Variants in MSANTD2 observed in about 807,000 individuals in gnomAD.
MSANTD2 encodes the protein Myb/SANT DNA binding domain containing 2, also known as myb/SANT-like DNA-binding domain-containing protein 2.
MSANTD2 carries 19 observed loss-of-function variants against 52.6 expected under a neutral mutation model. The observed-to-expected ratio is 0.36, with a 90% CI of 0.25 to 0.53. The LOEUF (loss-of-function observed/expected upper bound fraction) is 0.53. MSANTD2 is among the 20% of genes least tolerant of loss of function. The probability of loss-of-function intolerance (pLI) is 0.91; values close to 1 mark genes in which losing one functional copy is unlikely to be tolerated. For synonymous variants in MSANTD2, 291 were observed against 289.7 expected (o/e 1.00, Z -0.04); for missense variants, 558 against 716.3 (o/e 0.78, Z 2.52).
chr11:124,791,442 G>A (rs184192573), intron 1 of MSANTD2: 9 of 1,270,296 alleles, frequency 7.1e-6, no homozygotes, highest in African/African-American at 2.9e-5. Flanking sequence ...ACAGACTTCC[G>A]GACCCCTCCC....
Position 124,766,536 on chromosome 11 carries a change from G to T in MSANTD2, c.*640C>A, listed in dbSNP as rs766431070. The stretch of plus-strand genomic sequence containing the variant: ...TTTAATTTTTTTTTTTTAAAAAAAG[G>T]TTTAAATGGCAACACAACTGTAAAG... On this transcript the variant is annotated 3_prime_UTR_variant, in exon 4 of 4. Transcript: ENST00000374979. The T allele has an allele frequency of 6.6e-6, 1 of 151,948 alleles. No individual in the cohort carries two copies. The highest frequency in any genetic ancestry group is 1.5e-5 in the Non-Finnish European group (1 of 67,998). 9.4% of individuals were successfully genotyped at this position (151,948 alleles called of 1,614,324 possible).
At chr11:124,769,549 T>C (rs1445090353) in intron 3 of MSANTD2, among the ~76,000 whole-genome samples, 1 of 152,198 alleles carries the variant, frequency 6.6e-6, no homozygotes, top group Non-Finnish European at 1.5e-5. Flanking sequence ...CTGCCCTCCT[T>C]TGAAATGTTT....
At position 124,774,263 on chromosome 11, in the gene MSANTD2, A is replaced by T. The variant is rs1466949737; in HGVS notation, c.766+456T>A. ...AAGACCTTTTCCAAATCATAAACAG[A>T]AAAGAAAAATGTATTTGGGATAAAA... is the stretch of plus-strand genomic sequence containing the variant. On this transcript the variant is annotated intron_variant, in intron 2 of 3. Coordinates refer to ENST00000374979, the MANE Select transcript of MSANTD2 (RefSeq NM_001308027.2). The surrounding 1 kb of genome is among the most constrained non-coding windows in gnomAD (Gnocchi z 5.1). Among the ~76,000 whole-genome samples the T allele has an allele frequency of 6.6e-6, 1 of 152,228 alleles. No homozygotes were observed. The highest frequency in any genetic ancestry group is 2.4e-5 in the African/African-American group (1 of 41,468).
chr11:124,789,552 T>C (rs1046610199), intron 1 of MSANTD2: 1 of 151,994 alleles, frequency 6.6e-6, no homozygotes, highest in Non-Finnish European at 1.5e-5. Flanking sequence ...TACCTGAGAA[T>C]AAACACAGGT....
chr11:124,784,437 C>T (rs1945090844), intron 1 of MSANTD2: 1 of 985,178 alleles, frequency 1.0e-6, no homozygotes, highest in Admixed American at 6.2e-5. Context: ...AAACACCCTC[C>T]ACTACGAACT....
intron 1 of MSANTD2, chr11:124,784,484 C>G (rs1591463842): frequency 2.4e-5 from 1 of 42,444 alleles, no homozygotes. Context: ...AAAATTAAAC[C>G]CCCCCCCCGC....
chr11:124,785,884 A>G (rs1439099954), intron 1 of MSANTD2, among the ~76,000 whole-genome samples: 1 of 151,852 alleles, frequency 6.6e-6, no homozygotes, highest in African/African-American at 2.4e-5. Context: ...GAGCTTATCC[A>G]AAGTCACTTT....
At chr11:124,791,568 T>TG in intron 1 of MSANTD2, 1 of 1,302,420 alleles carries the variant, frequency 7.7e-7, no homozygotes. Flanking sequence ...AATGTGACCC[T>TG]GAGCTGCCAG....
At position 124,791,332 on chromosome 11, in the gene MSANTD2, G is replaced by A. The variant is rs149521877; in HGVS notation, c.510+8539C>T. On this transcript the variant is annotated intron_variant, in intron 1 of 3. Transcript: ENST00000374979. Reference sequence around the variant, plus strand: ...GAGGGTCTCCAGGAGAGAGACTCTGGCCCCTACAGCTGCTCCGTGAATGTG... The same window carrying A: ...GAGGGTCTCCAGGAGAGAGACTCTGACCCCTACAGCTGCTCCGTGAATGTG... 229 of 1,417,258 alleles carry A rather than the reference G, an allele frequency of 1.6e-4. 3 individuals carry two copies. In the African/African-American group the frequency reaches 2.1e-3, roughly 13 times the overall value. 87.8% of individuals were successfully genotyped at this position (1,417,258 alleles called of 1,614,324 possible). A position where few individuals can be genotyped will look rare whatever the true frequency, so the allele number is the denominator to read the frequency against.
intron 1 of MSANTD2, chr11:124,791,804 C>A (rs750631346): frequency 1.5e-5 from 8 of 545,870 alleles, no homozygotes; most frequent in Non-Finnish European, 2.3e-5. Flanking sequence ...AGATCCCCCG[C>A]CAGGGGCAGG....
chr11:124,799,891 G>T lies in MSANTD2; in HGVS notation c.490C>A (p.Gln164Lys). Residue 164 changes from glutamine to lysine, a missense_variant, in exon 1 of 4, where the codon CAG becomes AAG. By Grantham distance (53) the Gln-to-Lys change is moderately conservative (BLOSUM62 1). This residue lies in a region of MSANTD2 where 408 missense variants were observed against 573.6 expected (regional missense o/e 0.71). Coordinates refer to ENST00000374979, the MANE Select transcript of MSANTD2 (RefSeq NM_001308027.2). ...GTTACCTTGATGCGCTCCCGGCACT[G>T]GGACGGGGTCCGCTCGTAGCCCAGC... Reference protein sequence around the residue: ...AELGYERTPSQCRERIKTLRR... With the variant: ...AELGYERTPSKCRERIKTLRR... 1 of 1,582,588 alleles carries T rather than the reference G, an allele frequency of 6.3e-7. No individual in the cohort carries two copies.
In MSANTD2 at chr11:124,788,081, CA is replaced by C. The variant is rs113281012; in HGVS notation, c.510+11789del. The stretch of plus-strand genomic sequence containing the variant: ...TGGGCAACAGAGCAAGACCCTGTCT[CA>C]AAAAAAAAAAAAAAAGCCAATTAAT... On this transcript the variant is annotated intron_variant, in intron 1 of 3. Transcript: ENST00000374979. Among the ~76,000 whole-genome samples, 879 of 107,508 alleles carry C rather than the reference CA, an allele frequency of 8.2e-3. 2 individuals carry two copies. Among genetic ancestry groups the C allele is most frequent in the African/African-American group, 0.018 (506 of 28,668 alleles). 70.5% of individuals were successfully genotyped at this position (107,508 alleles called of 152,430 possible). A position where few individuals can be genotyped will look rare whatever the true frequency, so the allele number is the denominator to read the frequency against.
Position 124,800,396 on chromosome 11 carries a change from C to G in MSANTD2, c.-16G>C, listed in dbSNP as rs778858064. On this transcript the variant is annotated 5_prime_UTR_variant, in exon 1 of 4. Transcript: ENST00000374979. This position sits in a 1 kb window ranked among gnomAD's most constrained non-coding sequence, Gnocchi z 4.3. Reference sequence around the variant, plus strand: ...GCGCAGCCATCTTCCAAGCGGCCGCCGCTGCACCGCCCGGAAGTGACGCGC... The same window carrying G: ...GCGCAGCCATCTTCCAAGCGGCCGCGGCTGCACCGCCCGGAAGTGACGCGC... 8 of 1,483,116 alleles carry G rather than the reference C, an allele frequency of 5.4e-6. No homozygotes were observed. In the African/African-American group the frequency reaches 1.2e-4, roughly 21 times the overall value. 91.9% of individuals were successfully genotyped at this position (1,483,116 alleles called of 1,614,324 possible). A position where few individuals can be genotyped will look rare whatever the true frequency, so the allele number is the denominator to read the frequency against.
intron 3 of MSANTD2, among the ~76,000 whole-genome samples, chr11:124,768,843 A>G (rs1001708289): frequency 4.6e-5 from 7 of 152,240 alleles, no homozygotes; most frequent in African/African-American, 1.7e-4. Context: ...TTAACAGAAG[A>G]AGACAGAAAA....
chr11:124,800,101 C>T lies in MSANTD2; in HGVS notation c.280G>A (p.Ala94Thr), dbSNP rs964631862. ...PGGGGGGAAA[A>T]AAAACRGMSW... Reference sequence around the variant, plus strand: ...ATGCCCCGGCAGGCGGCGGCGGCGGCTGCCGCAGCCCCGCCACCGCCGCCA... The same window carrying T: ...ATGCCCCGGCAGGCGGCGGCGGCGGTTGCCGCAGCCCCGCCACCGCCGCCA... The change falls in exon 1 of 4, where the codon GCC becomes ACC. Residue 94 changes from alanine to threonine, a missense_variant. Around this residue, in one of 2 missense-constraint regions of MSANTD2, gnomAD observed 150 missense variants for 142.7 expected, o/e 1.05. Coordinates refer to ENST00000374979, the MANE Select transcript of MSANTD2 (RefSeq NM_001308027.2). The surrounding 1 kb of genome is among the most constrained non-coding windows in gnomAD (Gnocchi z 4.3). The T allele has an allele frequency of 2.0e-6, 3 of 1,482,948 alleles. No homozygotes were observed. The highest frequency in any genetic ancestry group is 1.5e-5 in the African/African-American group (1 of 67,512). The allele number at this position is 1,482,948 out of a possible 1,614,324, so 91.9% of individuals were successfully genotyped here. A position where few individuals can be genotyped will look rare whatever the true frequency, so the allele number is the denominator to read the frequency against.
rs1591473214 is a variant in MSANTD2, at chr11:124,791,045, C to T, written c.510+8826G>A. 3 of 497,360 alleles carry T rather than the reference C, an allele frequency of 6.0e-6. No individual in the cohort carries two copies. The Admixed American group carries it at 9.7e-5, about 16-fold the overall frequency. 30.8% of individuals were successfully genotyped at this position (497,360 alleles called of 1,614,324 possible). A position where few individuals can be genotyped will look rare whatever the true frequency, so the allele number is the denominator to read the frequency against. On this transcript the variant is annotated intron_variant, in intron 1 of 3. Transcript: ENST00000374979. ...TACAATTAATTTTAGCAAGTTGTGACCACCTTTCTAAACACAAGTAGGAGA... is the reference window on the plus strand; with the variant it reads ...TACAATTAATTTTAGCAAGTTGTGATCACCTTTCTAAACACAAGTAGGAGA...
intron 1 of MSANTD2, among the ~76,000 whole-genome samples, chr11:124,786,336 G>A (rs1204782183): frequency 6.6e-6 from 1 of 151,802 alleles, no homozygotes; most frequent in Non-Finnish European, 1.5e-5. Flanking sequence ...GATATGTTTT[G>A]TTTGGTATAT....
At position 124,770,785 on chromosome 11, in the gene MSANTD2, T is replaced by G. The variant is rs184656537; in HGVS notation, c.827+2209A>C. On this transcript the variant is annotated intron_variant, in intron 3 of 3. Coordinates refer to ENST00000374979, the MANE Select transcript of MSANTD2 (RefSeq NM_001308027.2). ...CACGCCCAGCTAATTTTTTGGTTTT[T>G]TTTTTTTTTTTTGAGACAGAGTCTT... Among the ~76,000 whole-genome samples, 613 of 151,028 alleles carry G rather than the reference T, an allele frequency of 4.1e-3. 11 individuals carry two copies. The highest frequency in any genetic ancestry group is 3.1e-3 in the Non-Finnish European group (213 of 67,628).
chr11:124,787,121 C>T (rs1945185395), intron 1 of MSANTD2, among the ~76,000 whole-genome samples: 1 of 152,132 alleles, frequency 6.6e-6, no homozygotes, highest in Admixed American at 6.6e-5. Context: ...TAAATGTTTG[C>T]ATTATTATTA....
Sources: gnomAD v4.1 joint callset for allele counts (sites outside exome capture counted in the v4.1 genomes callset) on GRCh38, gnomAD v4.1.1 for gene constraint, gnomAD v4.1.1 regional missense constraint, Gnocchi (gnomAD v3.1) non-coding constraint, MANE v1.5 for transcripts, NCBI Gene and HGNC (gene_info 2026-07-23, HGNC 2026-07-21) for gene names.